The following POLE variants were observed in gnomAD, a reference collection of about 807,000 sequenced individuals.
POLE encodes the protein DNA polymerase epsilon, catalytic subunit, also known as DNA polymerase epsilon catalytic subunit A.
POLE carries 188 observed loss-of-function variants against 279.2 expected under a neutral mutation model. The ratio of observed to expected loss-of-function variants is 0.67; its 90% CI spans 0.60 to 0.76. The LOEUF (loss-of-function observed/expected upper bound fraction) is 0.76, where lower values mean the gene tolerates loss of function less well. Among genes scored for constraint, POLE ranks in the 30% least tolerant of loss-of-function variants. The pLI is 0.00. For missense variants in POLE, 2,703 were observed against 3,016.7 expected (o/e 0.90, Z 2.44); for synonymous variants, 1,214 against 1,172.5 (o/e 1.04, Z -0.72).
intron 1 of POLE, among the ~76,000 whole-genome samples, chr12:132,686,617 T>C (rs1314508288): frequency 6.6e-6 from 1 of 151,826 alleles, no homozygotes; most frequent in East Asian, 2.0e-4. Context: ...CGCCTGTAAT[T>C]CCAGCTACTC....
At chr12:132,636,096 T>A (rs2042026935) in intron 41 of POLE, 72 bp from the exon 42 acceptor site, 1 of 1,487,070 alleles carries the variant, frequency 6.7e-7, no homozygotes, top group Non-Finnish European at 9.2e-7. Flanking sequence ...TATTTCCCCT[T>A]GTATCTATCT....
At chr12:132,625,514 G>T in intron 47 of POLE, 131 bp downstream of exon 47, 2 of 1,146,542 alleles carry the variant, frequency 1.7e-6, no homozygotes, top group Non-Finnish European at 2.6e-6. Context: ...GCATGGACTG[G>T]TCTGCAGGGC....
chr12:132,654,509 C>A (rs1263286938), intron 29 of POLE, among the ~76,000 whole-genome samples: 2 of 152,170 alleles, frequency 1.3e-5, no homozygotes, highest in Non-Finnish European at 2.9e-5. Context: ...AAATGGGAAT[C>A]CTTCCATTTT....
intron 9 of POLE, 41 bp downstream of exon 9, chr12:132,676,505 C>T (rs1370031023): frequency 8.0e-7 from 1 of 1,244,480 alleles, no homozygotes; most frequent in Middle Eastern, 1.9e-4. Context: ...CAGACAAGGT[C>T]CCCATCCCAG....
chr12:132,669,335 G>A (rs185183177), intron 16 of POLE, among the ~76,000 whole-genome samples: 235 of 152,108 alleles, frequency 1.5e-3, no homozygotes, highest in Non-Finnish European at 3.0e-3. Flanking sequence ...TGTGGCGGTG[G>A]CACCTGTAGT....
chr12:132,643,214 C>T lies in POLE; in HGVS notation c.4551+10G>A, dbSNP rs1565938933. 2 of 1,612,226 alleles carry T rather than the reference C, an allele frequency of 1.2e-6. No homozygotes were observed. Among genetic ancestry groups the T allele is most frequent in the Non-Finnish European group, 1.7e-6 (2 of 1,178,854 alleles). On this transcript the variant is annotated intron_variant, in intron 35 of 48. Coordinates refer to ENST00000320574, the MANE Select transcript of POLE (RefSeq NM_006231.4). Reference sequence around the variant, plus strand: ...AGCCAATGTGCTGCCATGGAGGGCCCAGGACTCACAGTGTCCAGCACAAAG... The same window carrying T: ...AGCCAATGTGCTGCCATGGAGGGCCTAGGACTCACAGTGTCCAGCACAAAG...
rs577952179 is a variant in POLE, at chr12:132,642,902, G to T, written c.4646C>A (p.Pro1549His). 1.9e-6 allele frequency: 3 copies of T among 1,613,712 alleles called. No homozygotes were observed. The highest frequency in any genetic ancestry group is 1.1e-5 in the South Asian group (1 of 91,044). ...EKVGPELLPP[P>H]KHTFEVRAET... Reference sequence around the variant, plus strand: ...TGCCCGAACTTCGAAGGTGTGTTTGGGGGGTGGCAGGAGCTCAGGGCCCAC... The same window carrying T: ...TGCCCGAACTTCGAAGGTGTGTTTGTGGGGTGGCAGGAGCTCAGGGCCCAC... The change falls in exon 36 of 49, where the codon CCC becomes CAC. Residue 1549 changes from proline (P) to histidine (H), a missense_variant. This residue lies in a region of POLE where 1,551 missense variants were observed against 1,686.1 expected (regional missense o/e 0.92). Transcript: ENST00000320574.
At chr12:132,654,443 GT>G (rs1198629381) in intron 29 of POLE, among the ~76,000 whole-genome samples, 1 of 152,084 alleles carries the variant, frequency 6.6e-6, no homozygotes, top group East Asian at 1.9e-4. Flanking sequence ...TCTTAGGTCA[GT>G]GCATAACTTG....
At chr12:132,652,314 C>CTTTATT (rs2042440442) in intron 29 of POLE, among the ~76,000 whole-genome samples, 2 of 111,184 alleles carry the variant, frequency 1.8e-5, no homozygotes, top group Admixed American at 2.2e-4. Context: ...TTGTAGTTTC[C>CTTTATT]TTTTTTTTTT....
In POLE at chr12:132,661,739, A is replaced by G. The variant is rs945408125; in HGVS notation, c.2707-55T>C. On this transcript the variant is annotated intron_variant, in intron 23 of 48. Coordinates refer to ENST00000320574, the MANE Select transcript of POLE (RefSeq NM_006231.4). The surrounding 1 kb of genome is among the most constrained non-coding windows in gnomAD (Gnocchi z 4.1). Reference sequence around the variant, plus strand: ...TTCACTCATGATGGCCCAAACCTGGAAACCACCTGGTGTCCCTCCAGGAGT... The same window carrying G: ...TTCACTCATGATGGCCCAAACCTGGGAACCACCTGGTGTCCCTCCAGGAGT... 3.8e-6 allele frequency: 6 copies of G among 1,581,176 alleles called. No homozygotes were observed. Among genetic ancestry groups the G allele is most frequent in the Non-Finnish European group, 4.3e-6 (5 of 1,157,122 alleles).
intron 12 of POLE, among the ~76,000 whole-genome samples, chr12:132,674,323 TTC>T (rs1279466663): frequency 2.0e-5 from 3 of 151,952 alleles, no homozygotes; most frequent in Non-Finnish European, 1.5e-5. Flanking sequence ...TGTGGCCTTC[TTC>T]TCTCACTTTA....
intron 30 of POLE, 49 bp from the exon 31 acceptor site, chr12:132,649,564 TGCCC>T (rs760325050): frequency 6.2e-7 from 1 of 1,600,246 alleles, no homozygotes; most frequent in South Asian, 1.1e-5. Flanking sequence ...GAGATGGGAA[TGCCC>T]GCCATGACTT....
rs866548835 is a variant in POLE at position 132,624,783 on chromosome 12, G to C, written c.6775C>G (p.Arg2259Gly). 1 of 1,613,118 alleles carries C rather than the reference G, an allele frequency of 6.2e-7. No individual in the cohort carries two copies. Among genetic ancestry groups the C allele is most frequent in the Non-Finnish European group, 8.5e-7 (1 of 1,179,042 alleles). The stretch of plus-strand genomic sequence containing the variant: ...ATGCCGTAGTGCTGGGCAATGTTCC[G>C]GAATATTCCGATCTGTTCCATGAAG... ...QVFMEQIGIF[R>G]NIAQHYGMSY... Residue 2259 changes from arginine to glycine, a missense_variant, in exon 49 of 49, where the codon CGG becomes GGG. Transcript: ENST00000320574.
chr12:132,656,365 C>CTT (rs56112203), intron 29 of POLE, among the ~76,000 whole-genome samples: 1 of 145,822 alleles, frequency 6.9e-6, no homozygotes. Flanking sequence ...GAACCTTTTT[C>CTT]TTTTTTTTTT....
chr12:132,641,590 A>T, intron 39 of POLE, 57 bp downstream of exon 39: 1 of 1,469,188 alleles, frequency 6.8e-7, no homozygotes, highest in Non-Finnish European at 9.5e-7. Context: ...TTTCCAAATT[A>T]AGGGCAAAGG....
rs1211329104 is a variant in POLE, at chr12:132,649,086, C to A, written c.4006-14G>T. ...GGTCTCGCTGATCTGAAAGGCCACA[C>A]GGACATACAGCACATCACAGGACAC... On this transcript the variant is annotated splice_polypyrimidine_tract_variant and intron_variant, in intron 31 of 48. Transcript: ENST00000320574. The A allele has an allele frequency of 2.5e-6, 4 of 1,608,458 alleles. No individual in the cohort carries two copies. Among genetic ancestry groups the A allele is most frequent in the Admixed American group, 3.3e-5 (2 of 59,718 alleles).
At position 132,665,458 on chromosome 12, in the gene POLE, G is replaced by T; in HGVS notation, c.2320-8C>A. On this transcript the variant is annotated splice_polypyrimidine_tract_variant and splice_region_variant and intron_variant, in intron 20 of 48. Coordinates refer to ENST00000320574, the MANE Select transcript of POLE (RefSeq NM_006231.4). ...GAGCTTCTTTTTCCACACCTGAGAAGCACATGAACATGGAGCACCTCACAG... is the reference window on the plus strand; with the variant it reads ...GAGCTTCTTTTTCCACACCTGAGAATCACATGAACATGGAGCACCTCACAG... 6.2e-7 allele frequency: 1 copy of T among 1,604,568 alleles called. No individual in the cohort carries two copies.
In POLE at chr12:132,624,613, G is replaced by A; in HGVS notation, c.*84C>T. 2.4e-6 allele frequency: 2 copies of A among 827,584 alleles called. No homozygotes were observed. Among genetic ancestry groups the A allele is most frequent in the South Asian group, 1.3e-5 (1 of 74,988 alleles). The allele number at this position is 827,584 out of a possible 1,614,324, so 51.3% of individuals were successfully genotyped here. A position where few individuals can be genotyped will look rare whatever the true frequency, so the allele number is the denominator to read the frequency against. ...GTTTGGACAGTCAGGGTGGTCAGTG[G>A]TCTGGTCACTGGAAGCACGGGGATG... is the stretch of plus-strand genomic sequence containing the variant. On this transcript the variant is annotated 3_prime_UTR_variant, in exon 49 of 49. Coordinates refer to ENST00000320574, the MANE Select transcript of POLE (RefSeq NM_006231.4).
At chr12:132,659,702 A>AT (rs1195835764) in intron 25 of POLE, 193 bp from the exon 26 acceptor site, 28 of 577,072 alleles carry the variant, frequency 4.9e-5, no homozygotes, top group Non-Finnish European at 7.1e-5. Context: ...TAGCTTTTAT[A>AT]TTTTTTTTGA....
Sources: gnomAD v4.1 joint callset for allele counts (sites outside exome capture counted in the v4.1 genomes callset) on GRCh38, gnomAD v4.1.1 for gene constraint, gnomAD v4.1.1 regional missense constraint, Gnocchi (gnomAD v3.1) non-coding constraint, MANE v1.5 for transcripts, NCBI Gene and HGNC (gene_info 2026-07-23, HGNC 2026-07-21) for gene names.